Variants in TCHH observed in about 807,000 individuals in gnomAD.
TCHH encodes the protein trichohyalin.
Under a neutral mutation model 6.3 loss-of-function variants are expected in TCHH, and 6 were observed. The observed-to-expected ratio is 0.95, with a 90% CI of 0.52 to 1.88. TCHH has a LOEUF of 1.88. Ranked by LOEUF, TCHH falls within the 40% of genes most tolerant of loss-of-function variation. TCHH has a pLI of 0.01. For synonymous variants in TCHH, 1,087 were observed against 963.6 expected (o/e 1.13, Z -2.37); for missense variants, 2,920 against 2,449.1 (o/e 1.19, Z -4.06).
At position 152,111,259 on chromosome 1, in the gene TCHH, T is replaced by C. The variant is rs532406265; in HGVS notation, c.1958A>G (p.Glu653Gly). The C allele has an allele frequency of 6.2e-7, 1 of 1,604,990 alleles. No individual in the cohort carries two copies. Among genetic ancestry groups the C allele is most frequent in the South Asian group, 1.1e-5 (1 of 90,500 alleles). The change falls in exon 3 of 3, where the codon GAA becomes GGA. Residue 653 changes from glutamate (E) to glycine (G), a missense_variant. Coordinates refer to ENST00000614923, the MANE Select transcript of TCHH (RefSeq NM_007113.4). ...GCGCTTCAGCCGCTGCTCGCGCCTT[T>C]CCTGCTGCTCGCGCCTTAGTTGCTG... ...RQQQLRREQQ[E>G]RREQRLKREE...
rs1658127143 is a variant in TCHH at position 152,107,125 on chromosome 1, T to A, written c.*260A>T. The A allele has an allele frequency of 3.3e-6, 1 of 307,554 alleles. No homozygotes were observed. The highest frequency in any genetic ancestry group is 2.2e-5 in the African/African-American group (1 of 46,096). The allele number at this position is 307,554 out of a possible 1,614,324, so 19.1% of individuals were successfully genotyped here. A position where few individuals can be genotyped will look rare whatever the true frequency, so the allele number is the denominator to read the frequency against. On this transcript the variant is annotated 3_prime_UTR_variant, in exon 3 of 3. Transcript: ENST00000614923. Reference sequence around the variant, plus strand: ...TCTTAAACAAATTAAATGATTTATATTTTTTTTAAATGCACACCACATCTG... The same window carrying A: ...TCTTAAACAAATTAAATGATTTATAATTTTTTTAAATGCACACCACATCTG...
intron 1 of TCHH, among the ~76,000 whole-genome samples, 154 bp from the exon 2 acceptor site, chr1:152,114,265 A>G (rs1157195837): frequency 6.6e-6 from 1 of 152,202 alleles, no homozygotes; most frequent in Non-Finnish European, 1.5e-5. Flanking sequence ...TGAATATTGT[A>G]TCAGAAAGAG....
Position 152,112,834 on chromosome 1 carries a change from T to C in TCHH, c.383A>G (p.Gln128Arg). 5.6e-6 allele frequency: 9 copies of C among 1,613,930 alleles called. No individual in the cohort carries two copies. The highest frequency in any genetic ancestry group is 7.6e-6 in the Non-Finnish European group (9 of 1,179,988). Reference protein sequence around the residue: ...DQRRFEPRDRQLEEEPGQRRR... With the variant: ...DQRRFEPRDRRLEEEPGQRRR... ...TCGTTGCCCAGGTTCTTCTTCCAGTTGTCTGTCCCGGGGCTCGAATCTCCT... is the reference window on the plus strand; with the variant it reads ...TCGTTGCCCAGGTTCTTCTTCCAGTCGTCTGTCCCGGGGCTCGAATCTCCT... The change falls in exon 3 of 3, where the codon CAA becomes CGA. Residue 128 changes from glutamine to arginine, a missense_variant. Physicochemically the swap from Gln to Arg is conservative, Grantham distance 43 (BLOSUM62 1). Transcript: ENST00000614923.
In TCHH at chr1:152,108,978, GTCGCGGTCCTGACGCAGCTGTTGC is replaced by G. The variant is rs777652504; in HGVS notation, c.4215_4238del (p.Glu1405_Arg1412del). 3.1e-6 allele frequency: 5 copies of G among 1,607,562 alleles called. No individual in the cohort carries two copies. In the South Asian group the frequency reaches 5.5e-5, roughly 18 times the overall value. ...GCTGTTCCTCCTCGCGGAATTTTCT[GTCGCGGTCCTGACGCAGCTGTTGC>G]TCGCGCTCCTGGCAGCGCAGCTGCT... is the stretch of plus-strand genomic sequence containing the variant. On this transcript the variant is annotated inframe_deletion, in exon 3 of 3. Transcript: ENST00000614923.
Position 152,110,547 on chromosome 1 carries a change from G to T in TCHH, c.2670C>A (p.Tyr890Ter), listed in dbSNP as rs769640318. The change falls in exon 3 of 3, where the codon TAC (tyrosine) becomes TAA (stop). Residue 890 changes from tyrosine (Y) to a stop codon, truncating the protein, a stop_gained. Transcript: ENST00000614923. LOFTEE classifies it low-confidence loss of function (END_TRUNC). ...GCTGCTCTTGTAGGGCTGGCTTGGC[G>T]TACAGCGTGTGGCGGCGTCTCTTCC... is the stretch of plus-strand genomic sequence containing the variant. ...EERKRRRHTLYAKPALQEQLR... is the reference protein window; with the variant it reads ...EERKRRRHTL 6.2e-7 allele frequency: 1 copy of T among 1,614,000 alleles called. No homozygotes were observed. Among genetic ancestry groups the T allele is most frequent in the Non-Finnish European group, 8.5e-7 (1 of 1,180,002 alleles).
In TCHH at chr1:152,109,369, C is replaced by G. The variant is rs780914532; in HGVS notation, c.3848G>C (p.Arg1283Thr). The G allele has an allele frequency of 1.2e-6, 2 of 1,614,246 alleles. No homozygotes were observed. Among genetic ancestry groups the G allele is most frequent in the Non-Finnish European group, 1.7e-6 (2 of 1,180,048 alleles). ...EQQERDREQERRRWQQRDRHF... is the reference protein window; with the variant it reads ...EQQERDREQETRRWQQRDRHF... The stretch of plus-strand genomic sequence containing the variant: ...CCTGTCGCGCTGCTGCCAGCGCCTC[C>G]TCTCTTGCTCACGATCTCGCTCTTG... The change falls in exon 3 of 3, where the codon AGG becomes ACG. Residue 1283 changes from arginine to threonine, a missense_variant. Coordinates refer to ENST00000614923, the MANE Select transcript of TCHH (RefSeq NM_007113.4).
In TCHH at chr1:152,114,056, A is replaced by G; in HGVS notation, c.25T>C (p.Cys9Arg). ...TGATTGAAAATTTCAGTGATGTCAC[A>G]GATGCTTCTCAGAAGTGGAGACATT... MSPLLRSICDITEIFNQYV... is the reference protein window; with the variant it reads MSPLLRSIRDITEIFNQYV... Residue 9 changes from cysteine (C) to arginine (R), a missense_variant, in exon 2 of 3, where the codon TGT (cysteine) becomes CGT (arginine). Physicochemically the swap from Cys to Arg is radical, Grantham distance 180 (BLOSUM62 -3). Transcript: ENST00000614923. 1 of 1,613,028 alleles carries G rather than the reference A, an allele frequency of 6.2e-7. No homozygotes were observed. The highest frequency in any genetic ancestry group is 1.1e-5 in the South Asian group (1 of 90,712).
chr1:152,111,721 T>C lies in TCHH; in HGVS notation c.1496A>G (p.Gln499Arg), dbSNP rs1230383028. Residue 499 changes from glutamine (Q) to arginine (R), a missense_variant, in exon 3 of 3, where the codon CAG (glutamine) becomes CGG (arginine). Transcript: ENST00000614923. ...TAGTTGCTGCTCGCGCCTCTCCTGC[T>C]GCTCGCGCCTCTCCTCCTCCTCGAG... ...LKLEEEERRE[Q>R]QERREQQLRR... 6.2e-7 allele frequency: 1 copy of C among 1,600,722 alleles called. No homozygotes were observed. Among genetic ancestry groups the C allele is most frequent in the South Asian group, 1.1e-5 (1 of 90,278 alleles).
rs1012897809 is a variant in TCHH at position 152,107,728 on chromosome 1, A to G, written c.5489T>C (p.Leu1830Pro). The G allele has an allele frequency of 1.9e-6, 3 of 1,614,088 alleles. No individual in the cohort carries two copies. The highest frequency in any genetic ancestry group is 1.7e-6 in the Non-Finnish European group (2 of 1,180,012). ...KYRWEEEQLQ[L>P]EEQEQRLRQE... ...CCGCAGCCTCTGCTCTTGTTCCTCA[A>G]GTTGGAGCTGCTCTTCTTCCCAGCG... is the stretch of plus-strand genomic sequence containing the variant. The change falls in exon 3 of 3, where the codon CTT becomes CCT. Residue 1830 changes from leucine (L) to proline (P), a missense_variant. Transcript: ENST00000614923.
chr1:152,111,062 CTT>C lies in TCHH; in HGVS notation c.2153_2154del (p.Lys718SerfsTer27). The C allele has an allele frequency of 6.2e-7, 1 of 1,613,572 alleles. No individual in the cohort carries two copies. Among genetic ancestry groups the C allele is most frequent in the African/African-American group, 1.3e-5 (1 of 75,026 alleles). On this transcript the variant is annotated frameshift_variant, in exon 3 of 3. Transcript: ENST00000614923. LOFTEE classifies it low-confidence loss of function (END_TRUNC). ...LESEADARQS[K>X]VYSRPRKQEG... ...TCCTGCTTGCGGGGCCTCGAGTAGACTTTGCTTTGCCGTGCGTCGGCCTCGCT... is the reference window on the plus strand; with the variant it reads ...TCCTGCTTGCGGGGCCTCGAGTAGACTGCTTTGCCGTGCGTCGGCCTCGCT...
At position 152,107,427 on chromosome 1, in the gene TCHH, G is replaced by C; in HGVS notation, c.5790C>G (p.Leu1930=). The change falls in exon 3 of 3, where the codon CTC becomes CTG. Residue 1930 remains leucine (L), a synonymous_variant. Coordinates refer to ENST00000614923, the MANE Select transcript of TCHH (RefSeq NM_007113.4). The part of the protein sequence containing the change: ...FASVPVRSSP[L]YEYIQEQRSQ... Reference sequence around the variant, plus strand: ...ATCTCTGCTCTTGGATGTACTCATAGAGAGGGCTGGAGCGCACTGGGACAC... The same window carrying C: ...ATCTCTGCTCTTGGATGTACTCATACAGAGGGCTGGAGCGCACTGGGACAC... 1.2e-6 allele frequency: 2 copies of C among 1,607,934 alleles called. No homozygotes were observed. The highest frequency in any genetic ancestry group is 1.7e-6 in the Non-Finnish European group (2 of 1,177,112).
At chr1:152,114,552 A>G (rs1184148628) in intron 1 of TCHH, among the ~76,000 whole-genome samples, 2 of 152,228 alleles carry the variant, frequency 1.3e-5, no homozygotes, top group African/African-American at 4.8e-5. Flanking sequence ...GATAGAGGCC[A>G]TGTCAGCAAA....
At position 152,110,485 on chromosome 1, in the gene TCHH, T is replaced by G. The variant is rs1658298194; in HGVS notation, c.2732A>C (p.Glu911Ala). 4 of 1,614,070 alleles carry G rather than the reference T, an allele frequency of 2.5e-6. No homozygotes were observed. The East Asian group carries it at 8.9e-5, about 36-fold the overall frequency. ...CTCGCGCTCCTCTCTCTGTAGCTCCTCCTCCTCCTCCTGCAGCAGCTGCTG... is the reference window on the plus strand; with the variant it reads ...CTCGCGCTCCTCTCTCTGTAGCTCCGCCTCCTCCTCCTGCAGCAGCTGCTG... ...KEQQLLQEEEEELQREEREKR... is the reference protein window; with the variant it reads ...KEQQLLQEEEAELQREEREKR... Residue 911 changes from glutamate (E) to alanine (A), a missense_variant, in exon 3 of 3, where the codon GAG (glutamate) becomes GCG (alanine). Transcript: ENST00000614923.
Position 152,112,726 on chromosome 1 carries a change from C to G in TCHH, c.491G>C (p.Arg164Pro). The change falls in exon 3 of 3, where the codon CGC becomes CCC. Residue 164 changes from arginine (R) to proline (P), a missense_variant. Physicochemically the swap from Arg to Pro is moderately radical, Grantham distance 103. Coordinates refer to ENST00000614923, the MANE Select transcript of TCHH (RefSeq NM_007113.4). ...CTCCTCGTCGCGGCGCTGCCTGTCG[C>G]GCTGTTCAAGTCGCTCTTGTTTCTC... ...QSEKQERLEQ[R>P]DRQRRDEELW... 6.2e-7 allele frequency: 1 copy of G among 1,614,096 alleles called. No individual in the cohort carries two copies. The highest frequency in any genetic ancestry group is 8.5e-7 in the Non-Finnish European group (1 of 1,180,028).
rs772615095 is a variant in TCHH at position 152,111,655 on chromosome 1, C to T, written c.1562G>A (p.Arg521His). 1.6e-5 allele frequency: 25 copies of T among 1,547,202 alleles called. No individual in the cohort carries two copies. Among genetic ancestry groups the T allele is most frequent in the Non-Finnish European group, 2.0e-5 (23 of 1,131,852 alleles). ...CTGGAGCCTCTCTTCCTCCTCCTGG[C>T]GCTTCAGCCGCTGCTCGCGCCTCTC... is the stretch of plus-strand genomic sequence containing the variant. ...QEERREQRLK[R>H]QEEEERLQQR... is the part of the protein sequence containing the mutation. Residue 521 changes from arginine (R) to histidine (H), a missense_variant, in exon 3 of 3, where the codon CGC (arginine) becomes CAC (histidine). Coordinates refer to ENST00000614923, the MANE Select transcript of TCHH (RefSeq NM_007113.4).
In TCHH at chr1:152,111,604, A is replaced by T; in HGVS notation, c.1613T>A (p.Leu538Gln). Reference protein sequence around the residue: ...LQQRLRSEQQLRREQEERREQ... With the variant: ...LQQRLRSEQQQRREQEERREQ... Reference sequence around the variant, plus strand: ...GCGCCTCTCCTCCTGCTCGCGTCTTAGTTGTTGCTCGCTCCTCAACCGCTG... The same window carrying T: ...GCGCCTCTCCTCCTGCTCGCGTCTTTGTTGTTGCTCGCTCCTCAACCGCTG... Residue 538 changes from leucine to glutamine, a missense_variant, in exon 3 of 3, where the codon CTA (leucine) becomes CAA (glutamine). Leu to Gln is a moderately radical substitution (Grantham distance 113). Transcript: ENST00000614923. 1.3e-5 allele frequency: 20 copies of T among 1,544,718 alleles called. No homozygotes were observed. The highest frequency in any genetic ancestry group is 1.7e-5 in the Non-Finnish European group (19 of 1,147,368).
rs1461764068 is a variant in TCHH, at chr1:152,109,832, C to T, written c.3385G>A (p.Glu1129Lys). The T allele has an allele frequency of 1.9e-6, 3 of 1,611,498 alleles. No individual in the cohort carries two copies. The African/African-American group carries it at 4.0e-5, about 22-fold the overall frequency. Reference protein sequence around the residue: ...EEEQLLREEREKRRRQELERQ... With the variant: ...EEEQLLREERKKRRRQELERQ... ...TCCAGCTCCTGGCGCCTTCTCTTCT[C>T]CCGTTCCTCTCTCAGCAGCTGCTCT... is the stretch of plus-strand genomic sequence containing the variant. Residue 1129 changes from glutamate (E) to lysine (K), a missense_variant, in exon 3 of 3, where the codon GAG becomes AAG. Physicochemically the swap from Glu to Lys is moderately conservative, Grantham distance 56. Coordinates refer to ENST00000614923, the MANE Select transcript of TCHH (RefSeq NM_007113.4).
chr1:152,108,062 G>C lies in TCHH; in HGVS notation c.5155C>G (p.Gln1719Glu), dbSNP rs574728622. ...TCACGGAATTTTCTCTCCAGTTCCT[G>C]GCGGCGCAGCTGCTGTTCCTCCTGG... Reference protein sequence around the residue: ...FLQEEQQLRRQELERKFREEE... With the variant: ...FLQEEQQLRREELERKFREEE... Residue 1719 changes from glutamine to glutamate, a missense_variant, in exon 3 of 3, where the codon CAG (glutamine) becomes GAG (glutamate). Coordinates refer to ENST00000614923, the MANE Select transcript of TCHH (RefSeq NM_007113.4). 7 of 1,613,738 alleles carry C rather than the reference G, an allele frequency of 4.3e-6. No individual in the cohort carries two copies. The South Asian group carries it at 7.7e-5, about 18-fold the overall frequency.
chr1:152,107,896 C>A lies in TCHH; in HGVS notation c.5321G>T (p.Arg1774Leu), dbSNP rs71625146. The A allele has an allele frequency of 6.2e-7, 1 of 1,613,972 alleles. No individual in the cohort carries two copies. The highest frequency in any genetic ancestry group is 1.7e-5 in the Admixed American group (1 of 60,008). ...CTCCTGGCGGAGCTGTTCCTCCTCG[C>A]GGAATTTTCTGTCGCGCTCCTGGCG... ...LRRQERDRKFREEEQLRQERE... is the reference protein window; with the variant it reads ...LRRQERDRKFLEEEQLRQERE... The change falls in exon 3 of 3, where the codon CGC (arginine) becomes CTC (leucine). Residue 1774 changes from arginine to leucine, a missense_variant. Transcript: ENST00000614923.
Sources: allele counts gnomAD v4.1 joint callset (sites outside exome capture counted in the v4.1 genomes callset), GRCh38; gene constraint gnomAD v4.1.1; transcripts MANE v1.5; gene names NCBI Gene and HGNC (gene_info 2026-07-23, HGNC 2026-07-21).